Variants in IRAK1BP1 observed in about 807,000 individuals in gnomAD.
The protein encoded by IRAK1BP1 is interleukin 1 receptor associated kinase 1 binding protein 1.
Under a neutral mutation model 28.0 loss-of-function variants are expected in IRAK1BP1, and 24 were observed. The ratio of observed to expected loss-of-function variants is 0.86; its 90% CI spans 0.62 to 1.20. IRAK1BP1 has a LOEUF of 1.20. IRAK1BP1 is among the 50% of genes most tolerant of loss of function. The pLI is 0.00. For synonymous variants in IRAK1BP1, 131 were observed against 116.3 expected, an observed-to-expected ratio of 1.13 and a Z score of -0.81; for missense variants, 336 against 316.7, an observed-to-expected ratio of 1.06 and a Z score of -0.46.
intron 2 of IRAK1BP1, among the ~76,000 whole-genome samples, chr6:78,896,761 C>T (rs995121453): frequency 6.6e-6 from 1 of 150,882 alleles, no homozygotes. Context: ...GGGGTTGAGG[C>T]TGCAGTGAGC....
At chr6:78,974,804 T>C in the IRAK1BP1 span, among the ~76,000 whole-genome samples, 2 of 150,544 alleles carry the variant, frequency 1.3e-5, no homozygotes, top group Non-Finnish European at 3.0e-5. Context: ...ACACATACAC[T>C]CTCCCAAGAC....
downstream of IRAK1BP1, among the ~76,000 whole-genome samples, chr6:78,949,770 T>C (rs530352454): frequency 2.0e-5 from 3 of 152,078 alleles, no homozygotes; most frequent in South Asian, 6.2e-4. Context: ...CTCACTGCAA[T>C]GTCTACCTCC....
the IRAK1BP1 span, chr6:78,963,028 A>G: frequency 7.1e-7 from 1 of 1,417,736 alleles, no homozygotes; most frequent in African/African-American, 1.5e-5. Flanking sequence ...TTTGTTGGAG[A>G]ATAACAGTAT....
At chr6:78,931,105 A>C (rs751515180) in intron 4 of IRAK1BP1, among the ~76,000 whole-genome samples, 35 of 152,168 alleles carry the variant, frequency 2.3e-4, no homozygotes, top group Non-Finnish European at 4.4e-4. Flanking sequence ...AAATGAGATA[A>C]AAATTTCAGG....
At chr6:78,958,503 C>T in the IRAK1BP1 span, 14 of 1,552,532 alleles carry the variant, frequency 9.0e-6, no homozygotes, top group East Asian at 2.2e-4. Context: ...AGATCAGTCA[C>T]GAATTTAGCA....
chr6:78,963,054 T>C, the IRAK1BP1 span: 1 of 1,526,958 alleles, frequency 6.5e-7, no homozygotes, highest in Non-Finnish European at 8.8e-7. Context: ...CATTACTTTG[T>C]GTTCTGCCAG....
chr6:78,909,885 T>C (rs1374628431), intron 4 of IRAK1BP1, among the ~76,000 whole-genome samples: 1 of 152,208 alleles, frequency 6.6e-6, no homozygotes, highest in Non-Finnish European at 1.5e-5. Context: ...AGTGATGTTA[T>C]TTCTATATGT....
intron 1 of IRAK1BP1, among the ~76,000 whole-genome samples, chr6:78,877,221 G>A (rs1771031735): frequency 1.3e-5 from 2 of 152,086 alleles, no homozygotes; most frequent in African/African-American, 4.8e-5. Flanking sequence ...GAAAAAGAAT[G>A]TTAATTATTT....
chr6:78,890,612 G>A lies in IRAK1BP1; in HGVS notation c.381+5169G>A, dbSNP rs1771617946. On this transcript the variant is annotated intron_variant, in intron 2 of 3. Transcript: ENST00000369940. ...AATGTTAGAACCCCAGGAATAAAAG[G>A]ACTCCAAAAGTTCTAGAGAAAGAAA... Among the ~76,000 whole-genome samples the A allele has an allele frequency of 2.6e-5, 4 of 152,144 alleles. No individual in the cohort carries two copies. In the South Asian group the frequency reaches 8.3e-4, roughly 32 times the overall value.
At chr6:78,950,383 G>C (rs1159776773), downstream of IRAK1BP1, among the ~76,000 whole-genome samples, 2 of 152,154 alleles carry the variant, frequency 1.3e-5, no homozygotes, top group East Asian at 1.9e-4. Flanking sequence ...TGGGAATTTT[G>C]AGTTTTTCTA....
chr6:78,918,988 T>C (rs771467935), intron 4 of IRAK1BP1, among the ~76,000 whole-genome samples: 2 of 151,856 alleles, frequency 1.3e-5, no homozygotes, highest in Admixed American at 6.6e-5. Flanking sequence ...AAAAATCAAA[T>C]CATACCAAAC....
At chr6:78,977,289 C>A in the IRAK1BP1 span, among the ~76,000 whole-genome samples, 8 of 151,292 alleles carry the variant, frequency 5.3e-5, no homozygotes, top group Non-Finnish European at 1.2e-4. Flanking sequence ...AAAAACCAAA[C>A]ACCGCATATT....
At chr6:78,920,659 G>T (rs918216495) in intron 4 of IRAK1BP1, among the ~76,000 whole-genome samples, 1 of 152,104 alleles carries the variant, frequency 6.6e-6, no homozygotes, top group Non-Finnish European at 1.5e-5. Context: ...AGACATAAAT[G>T]TAAAACCTAA....
At chr6:78,896,423 G>A (rs911492862) in intron 2 of IRAK1BP1, among the ~76,000 whole-genome samples, 3 of 151,242 alleles carry the variant, frequency 2.0e-5, no homozygotes, top group Admixed American at 6.6e-5. Context: ...CAATGTGGAT[G>A]AATTGCAAAT....
chr6:78,955,748 G>A, the IRAK1BP1 span: 2 of 608,838 alleles, frequency 3.3e-6, no homozygotes, highest in East Asian at 2.8e-5. Context: ...TTAAAAATTT[G>A]TTCGTAAAAC....
At chr6:78,911,988 G>GT in intron 4 of IRAK1BP1, among the ~76,000 whole-genome samples, 1 of 152,084 alleles carries the variant, frequency 6.6e-6, no homozygotes, top group African/African-American at 2.4e-5. Context: ...GTTTTGTTTT[G>GT]TTTTTTGATC....
At chr6:78,916,290 T>G (rs1582041285) in intron 4 of IRAK1BP1, among the ~76,000 whole-genome samples, 1 of 152,168 alleles carries the variant, frequency 6.6e-6, no homozygotes, top group African/African-American at 2.4e-5. Context: ...TCAGTTTTGT[T>G]AAATCCTAGA....
chr6:78,970,395 G>A, the IRAK1BP1 span, among the ~76,000 whole-genome samples: 2 of 151,872 alleles, frequency 1.3e-5, no homozygotes, highest in African/African-American at 2.4e-5. Context: ...AAAAAAATAA[G>A]GAGAACTTTA....
At chr6:78,953,426 C>G in the IRAK1BP1 span, among the ~76,000 whole-genome samples, 3 of 152,120 alleles carry the variant, frequency 2.0e-5, no homozygotes, top group African/African-American at 7.2e-5. Context: ...ACGCTTAAAA[C>G]AATGAATAAA....
Sources: allele counts gnomAD v4.1 joint callset (sites outside exome capture counted in the v4.1 genomes callset), GRCh38; gene constraint gnomAD v4.1.1; transcripts MANE v1.5; gene names NCBI Gene and HGNC (gene_info 2026-07-23, HGNC 2026-07-21).